The following LSAMP variants were observed in gnomAD, a reference collection of about 807,000 sequenced individuals.
The protein encoded by LSAMP is limbic system associated membrane protein, also known as limbic system-associated membrane protein.
In LSAMP, 7 loss-of-function variants were observed where a neutral mutation model predicts 38.6. The observed-to-expected ratio is 0.18, with a 90% CI of 0.10 to 0.34. LSAMP has a LOEUF of 0.34. Among genes scored for constraint, LSAMP ranks in the 10% least tolerant of loss-of-function variants. LSAMP has a pLI of 1.00. For synonymous variants in LSAMP, 154 were observed against 166.8 expected, an observed-to-expected ratio of 0.92 and a Z score of 0.59; for missense variants, 313 against 420.0, an observed-to-expected ratio of 0.75 and a Z score of 2.23.
chr3:116,252,016 A>G (rs941438977), intron 1 of LSAMP, among the ~76,000 whole-genome samples: 29 of 152,180 alleles, frequency 1.9e-4, no homozygotes, highest in African/African-American at 6.5e-4. Context: ...ATTGTTTAAC[A>G]TACAAGACAG....
chr3:115,952,094 G>C (rs149706247), intron 3 of LSAMP, among the ~76,000 whole-genome samples: 2 of 152,122 alleles, frequency 1.3e-5, no homozygotes, highest in South Asian at 2.1e-4. Flanking sequence ...GTGGTGAAAA[G>C]GGAACACTTT....
intron 1 of LSAMP, among the ~76,000 whole-genome samples, chr3:116,233,224 T>A (rs1200791298): frequency 6.6e-6 from 1 of 151,818 alleles, no homozygotes; most frequent in Non-Finnish European, 1.5e-5. Flanking sequence ...CCATCCTGGC[T>A]AACACAGTGC....
intron 1 of LSAMP, among the ~76,000 whole-genome samples, chr3:116,136,186 A>G (rs1387965752): frequency 6.6e-6 from 1 of 152,154 alleles, no homozygotes; most frequent in Non-Finnish European, 1.5e-5. Context: ...ATCTGGCTGG[A>G]TCATGTAGCA....
At chr3:115,989,055 T>G (rs1939593954) in intron 3 of LSAMP, among the ~76,000 whole-genome samples, 1 of 152,098 alleles carries the variant, frequency 6.6e-6, no homozygotes, top group African/African-American at 2.4e-5. Context: ...GGCATTCAAT[T>G]TTCACACTAA....
intron 2 of LSAMP, among the ~76,000 whole-genome samples, chr3:116,084,344 A>C (rs1707939531): frequency 6.6e-6 from 1 of 151,878 alleles, no homozygotes. Context: ...TTAAGAGTAC[A>C]AAGGTAAATA....
intron 3 of LSAMP, among the ~76,000 whole-genome samples, chr3:115,929,547 C>T (rs1396926205): frequency 1.3e-5 from 2 of 152,000 alleles, no homozygotes; most frequent in Non-Finnish European, 2.9e-5. Flanking sequence ...GGTGAAAATA[C>T]ACATCAAACA....
intron 4 of LSAMP, among the ~76,000 whole-genome samples, chr3:115,843,074 T>C (rs1935044961): frequency 6.6e-6 from 1 of 152,224 alleles, no homozygotes; most frequent in Admixed American, 6.5e-5. Context: ...TGGTCTGATA[T>C]TGTTGCAGGA....
chr3:116,334,834 G>A (rs1434394480), intron 1 of LSAMP, among the ~76,000 whole-genome samples: 1 of 152,042 alleles, frequency 6.6e-6, no homozygotes, highest in Non-Finnish European at 1.5e-5. Flanking sequence ...TCAAAGCAAG[G>A]ACTTGCACTT....
intron 3 of LSAMP, among the ~76,000 whole-genome samples, chr3:115,942,203 G>T (rs1451177143): frequency 1.3e-5 from 2 of 152,084 alleles, no homozygotes; most frequent in African/African-American, 4.8e-5. Context: ...GCAAAACAAA[G>T]AAATAAATAG....
At chr3:115,865,400 C>A (rs961799376) in intron 3 of LSAMP, among the ~76,000 whole-genome samples, 2 of 152,208 alleles carry the variant, frequency 1.3e-5, no homozygotes, top group African/African-American at 4.8e-5. Context: ...TCTTTAGTTT[C>A]CAGAAAATAA....
intron 1 of LSAMP, among the ~76,000 whole-genome samples, chr3:116,103,789 C>T (rs1708403514): frequency 6.6e-6 from 1 of 151,892 alleles, no homozygotes; most frequent in South Asian, 2.1e-4. Flanking sequence ...GTCAGAGTCC[C>T]TAATTTATTT....
chr3:116,155,806 T>C (rs1488009598), intron 1 of LSAMP, among the ~76,000 whole-genome samples: 1 of 152,176 alleles, frequency 6.6e-6, no homozygotes, highest in Admixed American at 6.6e-5. Flanking sequence ...TCCTTTTCCA[T>C]TGATTTCAGT....
At chr3:116,092,869 C>G (rs541536923) in intron 1 of LSAMP, among the ~76,000 whole-genome samples, 2 of 152,104 alleles carry the variant, frequency 1.3e-5, no homozygotes, top group Admixed American at 6.6e-5. Context: ...AAATATTAAG[C>G]CTGTTCAATT....
chr3:116,118,612 A>G (rs1402971659), intron 1 of LSAMP, among the ~76,000 whole-genome samples: 1 of 152,178 alleles, frequency 6.6e-6, no homozygotes, highest in Non-Finnish European at 1.5e-5. Flanking sequence ...TGTTTGATCC[A>G]TCGTCTTTCC....
At position 115,871,222 on chromosome 3, in the gene LSAMP, G is replaced by A. The variant is rs139735646; in HGVS notation, c.515-18605C>T. Among the ~76,000 whole-genome samples the A allele has an allele frequency of 2.4e-3, 364 of 152,154 alleles. 2 individuals carry two copies. The highest frequency in any genetic ancestry group is 8.4e-3 in the African/African-American group (347 of 41,508). ...TGGCATTGCATTCTCATAGGGATTG[G>A]CAGCCTAGAATGGCCATGCAGTTTA... On this transcript the variant is annotated intron_variant, in intron 3 of 6. Transcript: ENST00000490035.
chr3:116,357,193 G>A (rs1291185693), intron 1 of LSAMP, among the ~76,000 whole-genome samples: 3 of 152,044 alleles, frequency 2.0e-5, no homozygotes, highest in East Asian at 3.8e-4. Flanking sequence ...TACCAGGTAC[G>A]ACTACCCCAG....
intron 1 of LSAMP, among the ~76,000 whole-genome samples, chr3:116,424,508 A>C (rs1276529503): frequency 1.3e-5 from 2 of 152,234 alleles, no homozygotes; most frequent in African/African-American, 4.8e-5. Flanking sequence ...ATGTTTTATA[A>C]TCAATTGAGG....
At chr3:116,176,422 G>A (rs1710340167) in intron 1 of LSAMP, among the ~76,000 whole-genome samples, 1 of 152,098 alleles carries the variant, frequency 6.6e-6, no homozygotes, top group African/African-American at 2.4e-5. Context: ...AAATGGAAGA[G>A]CAATTAGCAC....
Position 115,842,450 on chromosome 3 carries a change from G to A in LSAMP, c.770+8C>T. 1.2e-6 allele frequency: 2 copies of A among 1,613,092 alleles called. No homozygotes were observed. The highest frequency in any genetic ancestry group is 1.7e-6 in the Non-Finnish European group (2 of 1,179,444). On this transcript the variant is annotated splice_region_variant and intron_variant, in intron 5 of 6. Transcript: ENST00000490035. ...GGAGTCATGGGGGATGGTAGGTTTG[G>A]CACATACCTAGTGTCATCCCGGTAC...
Sources: allele counts gnomAD v4.1 joint callset (sites outside exome capture counted in the v4.1 genomes callset), GRCh38; gene constraint gnomAD v4.1.1; transcripts MANE v1.5; gene names NCBI Gene and HGNC (gene_info 2026-07-23, HGNC 2026-07-21).